The following HDHD5 variants were observed in gnomAD, a reference collection of about 807,000 sequenced individuals.
HDHD5 encodes haloacid dehalogenase-like hydrolase domain-containing 5.
Under a neutral mutation model 35.5 loss-of-function variants are expected in HDHD5, and 34 were observed. The observed-to-expected ratio is 0.96, with a 90% CI of 0.73 to 1.28. The LOEUF is 1.28. HDHD5 is among the 50% of genes most tolerant of loss of function. The probability of loss-of-function intolerance (pLI) is 0.00; values close to 1 mark genes in which losing one functional copy is unlikely to be tolerated. For synonymous variants in HDHD5, 248 were observed against 240.6 expected, an observed-to-expected ratio of 1.03 and a Z score of -0.29; for missense variants, 589 against 560.2, an observed-to-expected ratio of 1.05 and a Z score of -0.52.
chr22:17,159,292 C>T (rs779435723), upstream of HDHD5: 8 of 1,237,950 alleles, frequency 6.5e-6, no homozygotes, highest in Admixed American at 1.9e-4. Context: ...TGCGGCCCCC[C>T]CCCCCCGCGA....
upstream of HDHD5, among the ~76,000 whole-genome samples, chr22:17,161,818 C>G (rs1047618091): frequency 6.8e-6 from 1 of 147,736 alleles, no homozygotes; most frequent in African/African-American, 2.5e-5. Flanking sequence ...GCAGAGGTTG[C>G]AGTGAGCCAA....
At chr22:17,141,360 C>T in intron 5 of HDHD5, 127 bp from the exon 6 acceptor site, 1 of 1,426,556 alleles carries the variant, frequency 7.0e-7, no homozygotes. Flanking sequence ...GGCAGGGGCA[C>T]AGCTCCCCAA....
Position 17,143,110 on chromosome 22 carries a change from G to T in HDHD5, c.559C>A (p.Pro187Thr). Reference protein sequence around the residue: ...KTTPLPRNDFPRIEGVLLLGE... With the variant: ...KTTPLPRNDFTRIEGVLLLGE... ...GGACCTCTCTTACCTTCAATGCGGG[G>T]GAAGTCATTCCTCGGGAGGGGCTGC... The change falls in exon 5 of 8, where the codon CCC becomes ACC. Residue 187 changes from proline (P) to threonine (T), a missense_variant. Pro to Thr is a conservative substitution (Grantham distance 38). Coordinates refer to ENST00000336737, the MANE Select transcript of HDHD5 (RefSeq NM_033070.3). The T allele has an allele frequency of 6.2e-7, 1 of 1,610,074 alleles. No individual in the cohort carries two copies. The highest frequency in any genetic ancestry group is 2.2e-5 in the East Asian group (1 of 44,652).
intron 6 of HDHD5, among the ~76,000 whole-genome samples, chr22:17,140,816 T>A: frequency 6.6e-6 from 1 of 152,126 alleles, no homozygotes; most frequent in Non-Finnish European, 1.5e-5. Context: ...AGGGGTCACG[T>A]GTGAAACATC....
chr22:17,156,122 G>T (rs1220790622), intron 1 of HDHD5, among the ~76,000 whole-genome samples: 1 of 150,922 alleles, frequency 6.6e-6, no homozygotes, highest in African/African-American at 2.5e-5. Flanking sequence ...CCTCAGAGAG[G>T]TCCTTCAGAA....
upstream of HDHD5, among the ~76,000 whole-genome samples, chr22:17,160,983 G>A (rs35802830): frequency 0.042 from 6,339 of 152,142 alleles, 247 homozygotes; most frequent in South Asian, 0.18. Flanking sequence ...AGCCAGGCGC[G>A]GTGGCTCACA....
chr22:17,155,299 G>T (rs1256506298), intron 1 of HDHD5, among the ~76,000 whole-genome samples: 1 of 150,192 alleles, frequency 6.7e-6, no homozygotes, highest in Non-Finnish European at 1.5e-5. Flanking sequence ...AGGCTGGAGT[G>T]CAGTGGTGCA....
At chr22:17,162,630 T>C (rs1042381873), upstream of HDHD5, among the ~76,000 whole-genome samples, 1 of 152,220 alleles carries the variant, frequency 6.6e-6, no homozygotes, top group African/African-American at 2.4e-5. Context: ...TCCAACATGA[T>C]TATTGAATCA....
In HDHD5 at chr22:17,144,980, G is replaced by A. The variant is rs751465979; in HGVS notation, c.537+44C>T. 4.2e-5 allele frequency: 67 copies of A among 1,609,982 alleles called. No individual in the cohort carries two copies. The East Asian group carries it at 4.9e-4, about 12-fold the overall frequency. On this transcript the variant is annotated intron_variant, in intron 4 of 7. Transcript: ENST00000336737. ...GACACAGCCAATGCAGGGCACTGGA[G>A]GAGTGAAGGATGAAGACACAGCCCA...
rs200582076 is a variant in HDHD5 at position 17,138,208 on chromosome 22, C to T, written c.1085G>A (p.Cys362Tyr). 2.6e-5 allele frequency: 42 copies of T among 1,614,068 alleles called. No individual in the cohort carries two copies. Among genetic ancestry groups the T allele is most frequent in the Non-Finnish European group, 3.3e-5 (39 of 1,180,052 alleles). Residue 362 changes from cysteine to tyrosine, a missense_variant, in exon 8 of 8, where the codon TGT becomes TAT. Cys to Tyr is a radical substitution (Grantham distance 194). Transcript: ENST00000336737. ...GTTCCTGGGATTGTAGACGCCTGTA[C>T]ACACCAGGATGGAGATGCAGCTCTG... ...ASQSCISILV[C>Y]TGVYNPRNPQ...
chr22:17,141,287 G>A, intron 5 of HDHD5, 54 bp from the exon 6 acceptor site: 3 of 1,540,290 alleles, frequency 1.9e-6, no homozygotes, highest in East Asian at 2.5e-5. Context: ...CAGGCGGCAG[G>A]CCCTCAGGAT....
chr22:17,143,204 AG>A, intron 4 of HDHD5, 73 bp from the exon 5 acceptor site: 6 of 1,543,848 alleles, frequency 3.9e-6, no homozygotes, highest in Non-Finnish European at 5.3e-6. Context: ...CCCCACCTCC[AG>A]GGTGCTGGGA....
intron 3 of HDHD5, among the ~76,000 whole-genome samples, chr22:17,147,623 C>A (rs1601390145): frequency 7.1e-6 from 1 of 141,824 alleles, no homozygotes; most frequent in Admixed American, 7.3e-5. Flanking sequence ...GCTTACCGGC[C>A]TTCAATCACA....
chr22:17,152,514 T>C (rs1415874222), intron 1 of HDHD5, among the ~76,000 whole-genome samples: 2 of 152,060 alleles, frequency 1.3e-5, no homozygotes. Flanking sequence ...TATGAGTCAC[T>C]GAACCAAAGG....
intron 1 of HDHD5, among the ~76,000 whole-genome samples, chr22:17,151,433 A>C (rs1304515465): frequency 6.6e-6 from 1 of 152,196 alleles, no homozygotes; most frequent in East Asian, 1.9e-4. Flanking sequence ...AACCAGAAAC[A>C]GAAATGGCGC....
chr22:17,137,791 C>T lies in HDHD5; in HGVS notation c.*230G>A, dbSNP rs573053714. ...TGAGGTTAGACTGCCACGAAAGGCACGTGGGAACTGGGCCCAGAAAATTCC... is the reference window on the plus strand; with the variant it reads ...TGAGGTTAGACTGCCACGAAAGGCATGTGGGAACTGGGCCCAGAAAATTCC... On this transcript the variant is annotated 3_prime_UTR_variant, in exon 8 of 8. Transcript: ENST00000336737. The T allele has an allele frequency of 2.6e-5, 14 of 531,218 alleles. No homozygotes were observed. The highest frequency in any genetic ancestry group is 1.7e-4 in the African/African-American group (9 of 52,788). The allele number at this position is 531,218 out of a possible 1,614,324, so 32.9% of individuals were successfully genotyped here.
chr22:17,161,128 C>T (rs1052626780), upstream of HDHD5, among the ~76,000 whole-genome samples: 6 of 151,358 alleles, frequency 4.0e-5, no homozygotes, highest in African/African-American at 1.2e-4. Context: ...CACCTGTAAT[C>T]CCAGCTACTT....
In HDHD5 at chr22:17,138,077, C is replaced by T; in HGVS notation, c.1216G>A (p.Asp406Asn). ...GLMEASHVVN[D>N]VNEAVQLVFR... ...ACCAGCTGCACAGCCTCATTCACGT[C>T]ATTCACCACGTGGGAGGCCTCCATG... The change falls in exon 8 of 8, where the codon GAC (aspartate) becomes AAC (asparagine). Residue 406 changes from aspartate to asparagine, a missense_variant. Transcript: ENST00000336737. 1 of 1,614,134 alleles carries T rather than the reference C, an allele frequency of 6.2e-7. No homozygotes were observed. Among genetic ancestry groups the T allele is most frequent in the Non-Finnish European group, 8.5e-7 (1 of 1,180,006 alleles).
rs149518089 is a variant in HDHD5, at chr22:17,144,392, G to A, written c.537+632C>T. ...AGCCTCCTGAGTAGCTGGGACTATAGGCATGCGCCACCATATGTGGCTTTT... is the reference window on the plus strand; with the variant it reads ...AGCCTCCTGAGTAGCTGGGACTATAAGCATGCGCCACCATATGTGGCTTTT... On this transcript the variant is annotated intron_variant, in intron 4 of 7. Coordinates refer to ENST00000336737, the MANE Select transcript of HDHD5 (RefSeq NM_033070.3). 7.3e-5 allele frequency among the ~76,000 whole-genome samples: 11 copies of A among 151,460 alleles called. No homozygotes were observed. In the East Asian group the frequency reaches 2.1e-3, roughly 29 times the overall value.
Sources: allele counts gnomAD v4.1 joint callset (sites outside exome capture counted in the v4.1 genomes callset), GRCh38; gene constraint gnomAD v4.1.1; transcripts MANE v1.5; gene names NCBI Gene and HGNC (gene_info 2026-07-23, HGNC 2026-07-21).